WDR17: variants seen among roughly 807,000 people sequenced by gnomAD.
WDR17 encodes the protein WD repeat domain 17.
Under a neutral mutation model 161.7 loss-of-function variants are expected in WDR17, and 143 were observed. That is an observed-to-expected ratio of 0.88 (90% CI 0.77 to 1.02). WDR17 has a LOEUF of 1.02. Among genes scored for constraint, WDR17 ranks in the 50% least tolerant of loss-of-function variants. WDR17 has a pLI of 0.00. For missense variants in WDR17, 1,469 were observed against 1,520.9 expected, an observed-to-expected ratio of 0.97 and a Z score of 0.57; for synonymous variants, 517 against 515.6, an observed-to-expected ratio of 1.00 and a Z score of -0.04.
chr4:176,139,962 G>GT lies in WDR17; in HGVS notation c.1431dup (p.Asp478Ter). Reference sequence around the variant, plus strand: ...TCTAAAAGAATAGCAACCTGCAGCAGTGATGGTTTCTGGTAAGTACTATGT... The same window carrying GT: ...TCTAAAAGAATAGCAACCTGCAGCAGTTGATGGTTTCTGGTAAGTACTATGT... On this transcript the variant is annotated frameshift_variant, in exon 10 of 29. Transcript: ENST00000508596. LOFTEE classifies it high-confidence loss of function. 1 of 1,611,140 alleles carries GT rather than the reference G, an allele frequency of 6.2e-7. No homozygotes were observed. The highest frequency in any genetic ancestry group is 8.5e-7 in the Non-Finnish European group (1 of 1,178,076).
chr4:176,144,990 T>A (rs966076475), intron 11 of WDR17, among the ~76,000 whole-genome samples: 3 of 152,216 alleles, frequency 2.0e-5, no homozygotes, highest in Non-Finnish European at 4.4e-5. Context: ...AGATGTAATC[T>A]GCACATTTGC....
rs1057281041 is a variant in WDR17, at chr4:176,156,496, A to C, written c.2525+353A>C. 5.3e-5 allele frequency among the ~76,000 whole-genome samples: 8 copies of C among 152,224 alleles called. No individual in the cohort carries two copies. The East Asian group carries it at 1.5e-3, about 29-fold the overall frequency. On this transcript the variant is annotated intron_variant, in intron 18 of 28. Transcript: ENST00000508596. ...AGGTTCGTAAAATACTATTCTATTA[A>C]TTATCTCAAAAATTTTCTCTGTAGG...
At position 176,168,652 on chromosome 4, in the gene WDR17, C is replaced by T. The variant is rs148885558; in HGVS notation, c.2991-20C>T. On this transcript the variant is annotated intron_variant, in intron 22 of 28. Coordinates refer to ENST00000508596, the MANE Select transcript of WDR17 (RefSeq NM_181265.4). Reference sequence around the variant, plus strand: ...TAAATCTTCTCCTCAATGAAGTGTCCCCTTTTGTTACGTTAACAGGAATTT... The same window carrying T: ...TAAATCTTCTCCTCAATGAAGTGTCTCCTTTTGTTACGTTAACAGGAATTT... 3.1e-6 allele frequency: 5 copies of T among 1,612,012 alleles called. No homozygotes were observed. Among genetic ancestry groups the T allele is most frequent in the Non-Finnish European group, 3.4e-6 (4 of 1,179,140 alleles).
chr4:176,153,302 A>C (rs111937132), intron 17 of WDR17, among the ~76,000 whole-genome samples: 1,543 of 152,324 alleles, frequency 0.01, 12 homozygotes, highest in Non-Finnish European at 0.017. Flanking sequence ...CACTGGCCAG[A>C]AGAAGGGTTT....
At chr4:176,142,904 A>C (rs1347728210) in intron 11 of WDR17, among the ~76,000 whole-genome samples, 1 of 152,060 alleles carries the variant, frequency 6.6e-6, no homozygotes, top group Admixed American at 6.6e-5. Flanking sequence ...TTGAGGACGG[A>C]GTTTCACTCT....
chr4:176,124,914 G>C (rs1742209042), intron 4 of WDR17, among the ~76,000 whole-genome samples, 190 bp from the exon 5 acceptor site: 1 of 152,174 alleles, frequency 6.6e-6, no homozygotes. Context: ...CATTGAGCCT[G>C]ACCTTCATCA....
At chr4:176,082,822 C>CT (rs34958986) in intron 1 of WDR17, among the ~76,000 whole-genome samples, 31,976 of 151,878 alleles carry the variant, frequency 0.21, 3,601 homozygotes, top group South Asian at 0.27. Context: ...AATTTATTTA[C>CT]TTTAAGTCTT....
chr4:176,135,411 T>C, intron 8 of WDR17, 135 bp downstream of exon 8: 2 of 1,023,782 alleles, frequency 2.0e-6, no homozygotes, highest in South Asian at 1.6e-5. Context: ...TGAACATATT[T>C]GTTGATTCTC....
chr4:176,103,589 A>T (rs1579054683), intron 1 of WDR17, among the ~76,000 whole-genome samples: 1 of 152,118 alleles, frequency 6.6e-6, no homozygotes, highest in African/African-American at 2.4e-5. Context: ...GAAATAATAG[A>T]GATAGAAAAC....
At chr4:176,122,571 C>T (rs993817018) in intron 4 of WDR17, among the ~76,000 whole-genome samples, 40 of 152,206 alleles carry the variant, frequency 2.6e-4, no homozygotes, top group Non-Finnish European at 5.3e-4. Flanking sequence ...TTAATTCTAA[C>T]ACTACATTCT....
chr4:176,148,459 C>A (rs1039263322), intron 13 of WDR17, 124 bp downstream of exon 13: 3 of 850,836 alleles, frequency 3.5e-6, no homozygotes, highest in Non-Finnish European at 5.3e-6. Context: ...TAACATTTTT[C>A]ACATTAGAAA....
chr4:176,166,973 T>C (rs1016812312), intron 22 of WDR17, among the ~76,000 whole-genome samples: 2 of 152,210 alleles, frequency 1.3e-5, no homozygotes, highest in South Asian at 2.1e-4. Context: ...CAAAATATTT[T>C]ATGTAAAAAA....
intron 1 of WDR17, among the ~76,000 whole-genome samples, chr4:176,073,369 C>G (rs1733500985): frequency 6.6e-6 from 1 of 151,946 alleles, no homozygotes; most frequent in Admixed American, 6.6e-5. Flanking sequence ...GTTTTTTGTC[C>G]TTGCGATAGT....
intron 1 of WDR17, among the ~76,000 whole-genome samples, chr4:176,069,602 A>G (rs1732961339): frequency 6.6e-6 from 1 of 152,152 alleles, no homozygotes; most frequent in Non-Finnish European, 1.5e-5. Flanking sequence ...GTCCTTAAAC[A>G]ATTTTTCTTA....
At chr4:176,139,773 C>T (rs190968771) in intron 9 of WDR17, 119 bp from the exon 10 acceptor site, 20 of 728,978 alleles carry the variant, frequency 2.7e-5, no homozygotes, top group Admixed American at 1.6e-4. Context: ...AGTAATGCCT[C>T]TGTTAGTGTC....
chr4:176,177,747 G>T (rs1432857963), intron 28 of WDR17, 93 bp downstream of exon 28: 1 of 1,336,976 alleles, frequency 7.5e-7, no homozygotes, highest in East Asian at 2.5e-5. Flanking sequence ...TTGGATAAAA[G>T]TAGGTAATTT....
chr4:176,166,121 T>C, intron 22 of WDR17: 1 of 1,082,228 alleles, frequency 9.2e-7, no homozygotes, highest in South Asian at 1.6e-5. Flanking sequence ...TATTTTCCTT[T>C]AGCTTTCCAT....
At chr4:176,077,158 T>A (rs1734156601) in intron 1 of WDR17, among the ~76,000 whole-genome samples, 1 of 14,618 alleles carries the variant, frequency 6.8e-5, no homozygotes, top group Non-Finnish European at 1.3e-3. Context: ...TCTCCCAATT[T>A]TTTTTTTTTT....
intron 4 of WDR17, among the ~76,000 whole-genome samples, chr4:176,121,262 TTA>T (rs2126724840): frequency 6.6e-6 from 1 of 152,346 alleles, no homozygotes; most frequent in South Asian, 2.1e-4. Flanking sequence ...AGATCCTGTT[TTA>T]TAGTTGGTCA....
Sources: gnomAD v4.1 joint callset for allele counts (sites outside exome capture counted in the v4.1 genomes callset) on GRCh38, gnomAD v4.1.1 for gene constraint, MANE v1.5 for transcripts, NCBI Gene and HGNC (gene_info 2026-07-23, HGNC 2026-07-21) for gene names.